TMOD1: variants seen among roughly 807,000 people sequenced by gnomAD.
TMOD1 encodes the protein tropomodulin 1, also known as tropomodulin-1.
Under a neutral mutation model 40.6 loss-of-function variants are expected in TMOD1, and 17 were observed. That is an observed-to-expected ratio of 0.42 (90% CI 0.29 to 0.63). TMOD1 has a LOEUF of 0.63. Among genes scored for constraint, TMOD1 ranks in the 20% least tolerant of loss-of-function variants. The probability of loss-of-function intolerance (pLI) is 0.22; values close to 1 mark genes in which losing one functional copy is unlikely to be tolerated. For missense variants in TMOD1, 391 were observed against 447.6 expected (o/e 0.87, Z 1.14); for synonymous variants, 181 against 175.0 (o/e 1.03, Z -0.27).
intron 8 of TMOD1, among the ~76,000 whole-genome samples, chr9:97,586,510 C>T (rs1315280601): frequency 4.6e-5 from 7 of 151,948 alleles, no homozygotes; most frequent in African/African-American, 1.7e-4. Flanking sequence ...AGGCAGGCCT[C>T]CTTGAGCTGT....
In TMOD1 at chr9:97,546,244, C is replaced by A; in HGVS notation, c.180C>A (p.Gly60=). 1 of 1,614,054 alleles carries A rather than the reference C, an allele frequency of 6.2e-7. No individual in the cohort carries two copies. The highest frequency in any genetic ancestry group is 8.5e-7 in the Non-Finnish European group (1 of 1,180,020). The change falls in exon 3 of 10, where the codon GGC becomes GGA. Residue 60 remains glycine (G), a synonymous_variant. Transcript: ENST00000259365. ...QKDQTTKAPT[G]PFKREELLDH... ...ATCAGACCACCAAGGCGCCCACGGG[C>A]CCCTTTAAAAGAGAGGAGCTCTTGG... is the stretch of plus-strand genomic sequence containing the variant.
rs1347379217 is a variant in TMOD1, at chr9:97,557,161, C to A, written c.397+3761C>A. The stretch of plus-strand genomic sequence containing the variant: ...CGAGAAACATGTATTTTTTTTTTAA[C>A]CTTAAAATCTTTTATCACTTCAACA... On this transcript the variant is annotated intron_variant, in intron 4 of 9. Coordinates refer to ENST00000259365, the MANE Select transcript of TMOD1 (RefSeq NM_003275.4). The surrounding 1 kb of genome is among the most constrained non-coding windows in gnomAD (Gnocchi z 4.4). Among the ~76,000 whole-genome samples the A allele has an allele frequency of 6.6e-6, 1 of 151,902 alleles. No individual in the cohort carries two copies. Among genetic ancestry groups the A allele is most frequent in the Non-Finnish European group, 1.5e-5 (1 of 67,956 alleles).
At chr9:97,534,970 A>G (rs796387688) in intron 2 of TMOD1, among the ~76,000 whole-genome samples, 41 of 152,254 alleles carry the variant, frequency 2.7e-4, no homozygotes, top group African/African-American at 9.4e-4. Context: ...TGGCAGTGGG[A>G]GAGTGCAGGG....
intron 8 of TMOD1, among the ~76,000 whole-genome samples, chr9:97,574,940 C>T (rs1830898730): frequency 1.3e-5 from 2 of 152,180 alleles, no homozygotes; most frequent in South Asian, 4.1e-4. Context: ...AACCAGCTCT[C>T]TATAAAATGG....
chr9:97,545,023 A>G (rs1461317343), intron 2 of TMOD1, among the ~76,000 whole-genome samples: 1 of 151,864 alleles, frequency 6.6e-6, no homozygotes, highest in Non-Finnish European at 1.5e-5. Context: ...AAAAAAAAAA[A>G]AAAAGGTTGG....
intron 3 of TMOD1, 62 bp downstream of exon 3, chr9:97,546,403 A>ATGCCAGGCCC: frequency 6.5e-7 from 1 of 1,549,788 alleles, no homozygotes; most frequent in Non-Finnish European, 8.8e-7. Context: ...TGCCGACTGT[A>ATGCCAGGCCC]TGCCAGGCCC....
intron 1 of TMOD1, among the ~76,000 whole-genome samples, chr9:97,503,276 C>T (rs1402959885): frequency 6.6e-6 from 1 of 152,188 alleles, no homozygotes; most frequent in Non-Finnish European, 1.5e-5. Context: ...TCCGGGAGCT[C>T]TGGGAGCACC....
intron 1 of TMOD1, among the ~76,000 whole-genome samples, chr9:97,505,135 C>T (rs1311393352): frequency 3.9e-5 from 6 of 152,144 alleles, no homozygotes; most frequent in African/African-American, 1.4e-4. Flanking sequence ...GGTTTTCTTT[C>T]GTGTTAGGTG....
chr9:97,590,347 C>A (rs1289755581), intron 8 of TMOD1, among the ~76,000 whole-genome samples: 1 of 152,084 alleles, frequency 6.6e-6, no homozygotes, highest in Non-Finnish European at 1.5e-5. Flanking sequence ...CCTCAGCCTC[C>A]CAAGTAGCTG....
intron 4 of TMOD1, among the ~76,000 whole-genome samples, chr9:97,556,540 T>C (rs1050943884): frequency 5.9e-5 from 9 of 152,090 alleles, no homozygotes; most frequent in African/African-American, 2.2e-4. Flanking sequence ...ATGGCCTGTC[T>C]CCCAAGTGGA....
intron 4 of TMOD1, among the ~76,000 whole-genome samples, chr9:97,556,603 T>G (rs1392382408): frequency 6.6e-6 from 1 of 152,206 alleles, no homozygotes; most frequent in Non-Finnish European, 1.5e-5. Flanking sequence ...CAGTCAGTGC[T>G]GTCCATTTAG....
rs1350275609 is a variant in TMOD1 at position 97,568,899 on chromosome 9, T to G, written c.732T>G (p.Leu244=). The G allele has an allele frequency of 6.2e-7, 1 of 1,614,052 alleles. No homozygotes were observed. Among genetic ancestry groups the G allele is most frequent in the South Asian group, 1.1e-5 (1 of 91,054 alleles). The stretch of plus-strand genomic sequence containing the variant: ...GCTTTCTCTTGTGCTTCAAGGCCCT[T>G]GCTGAGATGCTCAAGGAGAACAAGG... The part of the protein sequence containing the change: ...TRSNDPVAYA[L]AEMLKENKVL... The change falls in exon 8 of 10, where the codon CTT becomes CTG. Residue 244 remains leucine (L), a synonymous_variant. Coordinates refer to ENST00000259365, the MANE Select transcript of TMOD1 (RefSeq NM_003275.4).
At chr9:97,528,506 A>G (rs920650232) in intron 2 of TMOD1, among the ~76,000 whole-genome samples, 4 of 152,182 alleles carry the variant, frequency 2.6e-5, no homozygotes, top group African/African-American at 4.8e-5. Flanking sequence ...CCAGCCACAC[A>G]ATTGATCCCT....
At chr9:97,574,483 C>G (rs1347983542) in intron 8 of TMOD1, among the ~76,000 whole-genome samples, 1 of 152,216 alleles carries the variant, frequency 6.6e-6, no homozygotes, top group African/African-American at 2.4e-5. Flanking sequence ...CTGAGCGGCC[C>G]GAACCTCCCC....
chr9:97,506,741 A>G (rs1189029348), intron 1 of TMOD1, among the ~76,000 whole-genome samples: 1 of 152,262 alleles, frequency 6.6e-6, no homozygotes, highest in Non-Finnish European at 1.5e-5. Context: ...ATCCAATTCC[A>G]GAAAACTGAA....
At chr9:97,525,252 C>T (rs1829994175) in intron 2 of TMOD1, among the ~76,000 whole-genome samples, 1 of 152,120 alleles carries the variant, frequency 6.6e-6, no homozygotes, top group African/African-American at 2.4e-5. Context: ...ATTAATGATA[C>T]TTAAATCCTA....
chr9:97,565,019 A>G (rs1164762801), intron 6 of TMOD1, among the ~76,000 whole-genome samples: 1 of 152,174 alleles, frequency 6.6e-6, no homozygotes, highest in Non-Finnish European at 1.5e-5. Context: ...CTCTGCTCCC[A>G]TGGGAGCTAA....
intron 1 of TMOD1, among the ~76,000 whole-genome samples, chr9:97,518,492 A>G (rs894299764): frequency 2.6e-5 from 4 of 152,238 alleles, no homozygotes; most frequent in Non-Finnish European, 5.9e-5. Flanking sequence ...ACAAATACAA[A>G]TGCTAAGAAA....
chr9:97,576,703 G>T (rs574483783), intron 8 of TMOD1, among the ~76,000 whole-genome samples: 11 of 151,096 alleles, frequency 7.3e-5, no homozygotes, highest in African/African-American at 2.7e-4. Flanking sequence ...GCACGATCTC[G>T]GCTCACTGCA....
Sources: allele counts gnomAD v4.1 joint callset (sites outside exome capture counted in the v4.1 genomes callset), GRCh38; gene constraint gnomAD v4.1.1; non-coding constraint Gnocchi (gnomAD v3.1); transcripts MANE v1.5; gene names NCBI Gene and HGNC (gene_info 2026-07-23, HGNC 2026-07-21).